The following ANGPT1 variants were observed in gnomAD, a reference collection of about 807,000 sequenced individuals.
The protein encoded by ANGPT1 is angiopoietin-1.
ANGPT1 carries 17 observed loss-of-function variants against 62.2 expected under a neutral mutation model. That is an observed-to-expected ratio of 0.27 (90% confidence interval 0.19 to 0.41). The LOEUF (loss-of-function observed/expected upper bound fraction) is 0.41, where lower values mean the gene tolerates loss of function less well. Among genes scored for constraint, ANGPT1 ranks in the 10% least tolerant of loss-of-function variants. The pLI is 1.00. For missense variants in ANGPT1, 478 were observed against 594.9 expected (o/e 0.80, Z 2.04); for synonymous variants, 199 against 198.9 (o/e 1.00, Z 0.00).
intron 1 of ANGPT1, among the ~76,000 whole-genome samples, chr8:107,395,927 C>T (rs1816925952): frequency 6.6e-6 from 1 of 152,114 alleles, no homozygotes; most frequent in Admixed American, 6.5e-5. Context: ...TTTTCCTCCT[C>T]ATTCTTTAGT....
intron 4 of ANGPT1, among the ~76,000 whole-genome samples, chr8:107,318,536 AATAAAG>A (rs897122498): frequency 2.6e-4 from 40 of 152,334 alleles, no homozygotes; most frequent in African/African-American, 8.9e-4. Context: ...AAGGCACTAA[AATAAAG>A]ATAATTACGA....
intron 8 of ANGPT1, among the ~76,000 whole-genome samples, chr8:107,257,887 G>C (rs5003368): frequency 9.0e-6 from 1 of 110,944 alleles, no homozygotes; most frequent in Non-Finnish European, 1.9e-5. Context: ...TTTCTTTTTT[G>C]TTTGTTTGTT....
intron 1 of ANGPT1, among the ~76,000 whole-genome samples, chr8:107,390,872 A>T (rs558476667): frequency 6.6e-6 from 1 of 152,202 alleles, no homozygotes; most frequent in South Asian, 2.1e-4. Flanking sequence ...GAATCTAGGA[A>T]GTCTGGCTTC....
chr8:107,275,637 T>C (rs1249274547), intron 7 of ANGPT1, among the ~76,000 whole-genome samples: 1 of 152,188 alleles, frequency 6.6e-6, no homozygotes, highest in East Asian at 1.9e-4. Context: ...TGCACCTGCA[T>C]GAACACACGT....
At chr8:107,362,437 C>T (rs1816185238) in intron 1 of ANGPT1, among the ~76,000 whole-genome samples, 1 of 152,162 alleles carries the variant, frequency 6.6e-6, no homozygotes. Context: ...TTAGTAAATT[C>T]AGAATTACTT....
At chr8:107,338,455 G>A (rs891799604) in intron 2 of ANGPT1, among the ~76,000 whole-genome samples, 1 of 152,224 alleles carries the variant, frequency 6.6e-6, no homozygotes, top group African/African-American at 2.4e-5. Flanking sequence ...GGGTGGAACA[G>A]GAGGGTGAGG....
At chr8:107,384,005 A>AT (rs958197053) in intron 1 of ANGPT1, among the ~76,000 whole-genome samples, 40 of 152,288 alleles carry the variant, frequency 2.6e-4, no homozygotes, top group African/African-American at 8.9e-4. Flanking sequence ...AAAATAAGCA[A>AT]TCTTCCATTG....
At chr8:107,275,844 G>A (rs1813851609) in intron 7 of ANGPT1, among the ~76,000 whole-genome samples, 1 of 152,100 alleles carries the variant, frequency 6.6e-6, no homozygotes, top group East Asian at 1.9e-4. Context: ...GGCAACTTTT[G>A]CCAACCTGTA....
At chr8:107,310,708 G>A (rs911571373) in intron 4 of ANGPT1, among the ~76,000 whole-genome samples, 4 of 152,092 alleles carry the variant, frequency 2.6e-5, no homozygotes, top group Non-Finnish European at 4.4e-5. Flanking sequence ...AGCTAACAGA[G>A]GATAAGTGAG....
intron 1 of ANGPT1, among the ~76,000 whole-genome samples, chr8:107,381,692 A>G (rs1397073050): frequency 6.6e-6 from 1 of 152,324 alleles, no homozygotes; most frequent in Admixed American, 6.5e-5. Flanking sequence ...ATTGAATCAC[A>G]TTTCCAAAAG....
At chr8:107,461,560 GTGTCCTAGAA>G (rs146406309) in intron 1 of ANGPT1, among the ~76,000 whole-genome samples, 7,979 of 152,054 alleles carry the variant, frequency 0.052, 238 homozygotes, top group South Asian at 0.11. Context: ...ACAACCACTG[GTGTCCTAGAA>G]TGTCCTAGAA....
At chr8:107,342,545 A>C (rs935363114) in intron 2 of ANGPT1, among the ~76,000 whole-genome samples, 2 of 152,146 alleles carry the variant, frequency 1.3e-5, no homozygotes, top group African/African-American at 4.8e-5. Flanking sequence ...ATATAAATGA[A>C]TGAGTGCAGC....
At chr8:107,492,093 T>A (rs1237356324) in intron 1 of ANGPT1, among the ~76,000 whole-genome samples, 1 of 152,172 alleles carries the variant, frequency 6.6e-6, no homozygotes, top group East Asian at 1.9e-4. Flanking sequence ...AAGCAACCAA[T>A]AATACCGAAC....
At chr8:107,414,089 G>A (rs573438814) in intron 1 of ANGPT1, among the ~76,000 whole-genome samples, 1 of 152,236 alleles carries the variant, frequency 6.6e-6, no homozygotes, top group African/African-American at 2.4e-5. Context: ...CATGGGTATA[G>A]GGTTTATGAT....
chr8:107,486,636 T>G (rs556145130), intron 1 of ANGPT1, among the ~76,000 whole-genome samples: 9 of 152,278 alleles, frequency 5.9e-5, no homozygotes, highest in Non-Finnish European at 1.2e-4. Context: ...ATGGCATAGA[T>G]ACTATTATCA....
intron 1 of ANGPT1, among the ~76,000 whole-genome samples, chr8:107,430,847 T>G (rs182493413): frequency 3.4e-4 from 52 of 152,346 alleles, no homozygotes; most frequent in South Asian, 1.9e-3. Context: ...ACAGCAGCAA[T>G]ATGAAACAGC....
intron 1 of ANGPT1, among the ~76,000 whole-genome samples, chr8:107,397,830 T>C (rs535643574): frequency 6.6e-6 from 1 of 152,324 alleles, no homozygotes; most frequent in Admixed American, 6.5e-5. Flanking sequence ...ATCCAACTAG[T>C]GGAGTCCCAT....
chr8:107,495,886 A>C (rs1237732044), intron 1 of ANGPT1, among the ~76,000 whole-genome samples: 1 of 152,192 alleles, frequency 6.6e-6, no homozygotes, highest in Non-Finnish European at 1.5e-5. Context: ...TGCCTATTAC[A>C]GTCCTATAGT....
chr8:107,272,152 C>T (rs578169973), intron 7 of ANGPT1, among the ~76,000 whole-genome samples: 1 of 152,048 alleles, frequency 6.6e-6, no homozygotes, highest in African/African-American at 2.4e-5. Flanking sequence ...GGTAGATATG[C>T]TATTCATTTT....
Sources: gnomAD v4.1 joint callset for allele counts (sites outside exome capture counted in the v4.1 genomes callset) on GRCh38, gnomAD v4.1.1 for gene constraint, MANE v1.5 for transcripts, NCBI Gene and HGNC (gene_info 2026-07-23, HGNC 2026-07-21) for gene names.